EVA1A: variants seen among roughly 807,000 people sequenced by gnomAD.
EVA1A encodes eva-1 homolog A, regulator of programmed cell death.
In EVA1A, 7 loss-of-function variants were observed where a neutral mutation model predicts 9.8. The ratio of observed to expected loss-of-function variants is 0.71; its 90% confidence interval spans 0.41 to 1.34. The LOEUF (loss-of-function observed/expected upper bound fraction) is 1.34, where lower values mean the gene tolerates loss of function less well. Among genes scored for constraint, EVA1A ranks in the 40% most tolerant of loss-of-function variants. The pLI is 0.01. For synonymous variants in EVA1A, 90 were observed against 85.6 expected (o/e 1.05, Z -0.28); for missense variants, 206 against 205.9 (o/e 1.00, Z 0.00).
intron 3 of EVA1A, among the ~76,000 whole-genome samples, chr2:75,512,334 T>C (rs1001241219): frequency 6.6e-6 from 1 of 152,094 alleles, no homozygotes; most frequent in African/African-American, 2.4e-5. Context: ...AGTGCTAATA[T>C]ACAGGGAAAT....
At chr2:75,510,749 T>C (rs1363242287) in intron 3 of EVA1A, among the ~76,000 whole-genome samples, 2 of 152,132 alleles carry the variant, frequency 1.3e-5, no homozygotes, top group African/African-American at 4.8e-5. Flanking sequence ...AAAGGACTAA[T>C]ATAGGAAAAG....
chr2:75,522,890 G>A lies in EVA1A; in HGVS notation c.-191-403C>T, dbSNP rs543872797. On this transcript the variant is annotated intron_variant, in intron 1 of 3. Transcript: ENST00000393913. ...TTCTGTTTCCTTCTAGCAATGCCCA[G>A]ATGGGCCATGAAATGAAGTCTCACA... is the stretch of plus-strand genomic sequence containing the variant. Among the ~76,000 whole-genome samples the A allele has an allele frequency of 5.9e-5, 9 of 152,338 alleles. No homozygotes were observed. In the South Asian group the frequency reaches 1.9e-3, roughly 32 times the overall value.
At chr2:75,493,752 A>C (rs1426116150) in intron 3 of EVA1A, 143 bp from the exon 4 acceptor site, 1 of 696,612 alleles carries the variant, frequency 1.4e-6, no homozygotes, top group East Asian at 2.9e-5. Context: ...GACATATTTT[A>C]TAATGTATTC....
At chr2:75,496,770 A>G (rs539597742) in intron 3 of EVA1A, among the ~76,000 whole-genome samples, 1 of 152,284 alleles carries the variant, frequency 6.6e-6, no homozygotes, top group Admixed American at 6.5e-5. Context: ...GAGGCATCAC[A>G]TTACCCAACT....
chr2:75,555,673 C>A (rs1325947412), intron 1 of EVA1A, among the ~76,000 whole-genome samples: 1 of 152,114 alleles, frequency 6.6e-6, no homozygotes. Flanking sequence ...GCTCAGCACA[C>A]CTGAGCTTTA....
At chr2:75,493,648 G>A (rs368339050) in intron 3 of EVA1A, 39 bp from the exon 4 acceptor site, 3 of 1,529,440 alleles carry the variant, frequency 2.0e-6, no homozygotes, top group Non-Finnish European at 2.6e-6. Context: ...TTTGAGAGAT[G>A]ACAACTCCAT....
intron 1 of EVA1A, among the ~76,000 whole-genome samples, chr2:75,555,749 C>T (rs1676688777): frequency 6.6e-6 from 1 of 152,138 alleles, no homozygotes; most frequent in African/African-American, 2.4e-5. Flanking sequence ...ATGTCAAAGT[C>T]ACCTCCCCAG....
chr2:75,554,310 A>C lies in EVA1A; in HGVS notation c.-192+6370T>G, dbSNP rs116165496. Among the ~76,000 whole-genome samples the C allele has an allele frequency of 6.3e-3, 963 of 152,188 alleles. 10 individuals are homozygous for C. The highest frequency in any genetic ancestry group is 0.02 in the African/African-American group (834 of 41,504). ...CTAAGCAGCATTTCCCTCTCCTCTC[A>C]CCATGGAGGGCAAAGTGCAGGCTGC... On this transcript the variant is annotated intron_variant, in intron 1 of 3. Coordinates refer to ENST00000393913, the MANE Select transcript of EVA1A (RefSeq NM_001135032.2).
Position 75,547,899 on chromosome 2 carries a change from ACACT to A in EVA1A, c.-192+12777_-192+12780del, listed in dbSNP as rs373621571. ...TATAAAGTTTTACTATCACATAGCC[ACACT>A]CACTCACTCATTTGCATATTGTCTG... On this transcript the variant is annotated intron_variant, in intron 1 of 3. Transcript: ENST00000393913. Among the ~76,000 whole-genome samples, 27 of 152,338 alleles carry A rather than the reference ACACT, an allele frequency of 1.8e-4. No individual in the cohort carries two copies. The South Asian group carries it at 5.6e-3, about 32-fold the overall frequency.
intron 3 of EVA1A, among the ~76,000 whole-genome samples, chr2:75,495,723 T>C (rs557543548): frequency 3.9e-5 from 6 of 152,266 alleles, no homozygotes; most frequent in African/African-American, 1.4e-4. Flanking sequence ...ACTGAAGAAC[T>C]TATCCATGTA....
At chr2:75,496,092 T>C (rs1674201953) in intron 3 of EVA1A, among the ~76,000 whole-genome samples, 1 of 152,156 alleles carries the variant, frequency 6.6e-6, no homozygotes, top group Non-Finnish European at 1.5e-5. Flanking sequence ...CACAAGGCTG[T>C]TGGGAGGATC....
At chr2:75,546,907 C>CAAAAAAAAAAA (rs751386318) in intron 1 of EVA1A, among the ~76,000 whole-genome samples, 1 of 66,876 alleles carries the variant, frequency 1.5e-5, no homozygotes, top group African/African-American at 5.0e-5. Context: ...ATCAATAGGC[C>CAAAAAAAAAAA]AAAAAAAAAA....
rs532164227 is a variant in EVA1A, at chr2:75,556,001, T to C, written c.-192+4679A>G. The stretch of plus-strand genomic sequence containing the variant: ...GAGCTCCCAGTTCTCTGCTCAGATC[T>C]CTTATTCTATTTAACACATTCTGAT... On this transcript the variant is annotated intron_variant, in intron 1 of 3. Coordinates refer to ENST00000393913, the MANE Select transcript of EVA1A (RefSeq NM_001135032.2). 1.6e-4 allele frequency among the ~76,000 whole-genome samples: 25 copies of C among 152,328 alleles called. No individual in the cohort carries two copies. In the South Asian group the frequency reaches 5.2e-3, roughly 32 times the overall value.
At chr2:75,512,142 A>C (rs1388341585) in intron 3 of EVA1A, among the ~76,000 whole-genome samples, 3 of 152,222 alleles carry the variant, frequency 2.0e-5, no homozygotes, top group Admixed American at 6.5e-5. Context: ...AATATGCTAA[A>C]TATTCAAATC....
intron 3 of EVA1A, among the ~76,000 whole-genome samples, chr2:75,517,077 T>C (rs1157864788): frequency 6.6e-6 from 1 of 152,022 alleles, no homozygotes; most frequent in African/African-American, 2.4e-5. Flanking sequence ...AGTCCTTTTT[T>C]TTTCTGAAAT....
At chr2:75,549,327 G>A (rs1033901373) in intron 1 of EVA1A, among the ~76,000 whole-genome samples, 2 of 152,122 alleles carry the variant, frequency 1.3e-5, no homozygotes, top group African/African-American at 4.8e-5. Context: ...CCACATTTGT[G>A]CGGAGCCACA....
At chr2:75,501,407 T>C (rs1019196638) in intron 3 of EVA1A, among the ~76,000 whole-genome samples, 1 of 152,218 alleles carries the variant, frequency 6.6e-6, no homozygotes, top group African/African-American at 2.4e-5. Context: ...ATTATGAGTA[T>C]GAAATAAAAA....
At chr2:75,559,794 C>T (rs1336521944) in intron 1 of EVA1A, among the ~76,000 whole-genome samples, 1 of 151,690 alleles carries the variant, frequency 6.6e-6, no homozygotes, top group Admixed American at 6.6e-5. Context: ...GTGGTATAGA[C>T]CAGCTAGGAC....
chr2:75,534,201 G>T (rs998600383), intron 1 of EVA1A, among the ~76,000 whole-genome samples: 4 of 151,860 alleles, frequency 2.6e-5, no homozygotes, highest in African/African-American at 9.7e-5. Context: ...ATTGTGCCAC[G>T]GTACTCCAGC....
Sources: gnomAD v4.1 joint callset for allele counts (sites outside exome capture counted in the v4.1 genomes callset) on GRCh38, gnomAD v4.1.1 for gene constraint, MANE v1.5 for transcripts, NCBI Gene and HGNC (gene_info 2026-07-23, HGNC 2026-07-21) for gene names.